SARDH: variants seen among roughly 807,000 people sequenced by gnomAD.
SARDH encodes the protein sarcosine dehydrogenase.
In SARDH, 95 loss-of-function variants were observed where a neutral mutation model predicts 109.1. The observed-to-expected ratio is 0.87, with a 90% CI of 0.74 to 1.03. The LOEUF (loss-of-function observed/expected upper bound fraction) is 1.03. Ranked by LOEUF, SARDH falls within the 50% of genes least tolerant of loss-of-function variation. The pLI is 0.00. For missense variants in SARDH, 1,267 were observed against 1,287.8 expected (o/e 0.98, Z 0.25); for synonymous variants, 572 against 534.8 (o/e 1.07, Z -0.96).
At position 133,718,466 on chromosome 9, in the gene SARDH, C is replaced by A. The variant is rs1832206283; in HGVS notation, c.1020+472G>T. On this transcript the variant is annotated intron_variant, in intron 7 of 20. Transcript: ENST00000439388. This position sits in a 1 kb window ranked among gnomAD's most constrained non-coding sequence, Gnocchi z 4.2. ...TTCCCTCTTTCTCCAGAAATTAAAG[C>A]AGTTTTTAGCCCAAAGTAGCCACTC... 5.9e-6 allele frequency: 3 copies of A among 507,528 alleles called. No homozygotes were observed. The highest frequency in any genetic ancestry group is 3.5e-6 in the Non-Finnish European group (1 of 287,542). The allele number at this position is 507,528 out of a possible 1,614,324, so 31.4% of individuals were successfully genotyped here.
chr9:133,665,720 A>G (rs550551847), intron 20 of SARDH, among the ~76,000 whole-genome samples: 2 of 151,988 alleles, frequency 1.3e-5, no homozygotes, highest in East Asian at 3.9e-4. Context: ...TCCCCTCCCC[A>G]TTGGGCCTGC....
chr9:133,714,006 A>G (rs1412759593), intron 8 of SARDH, among the ~76,000 whole-genome samples: 1 of 152,208 alleles, frequency 6.6e-6, no homozygotes, highest in East Asian at 1.9e-4. Flanking sequence ...TCGTAAAGAA[A>G]ATACGATGAA....
intron 17 of SARDH, among the ~76,000 whole-genome samples, chr9:133,672,441 T>C (rs1426315234): frequency 6.6e-6 from 1 of 152,220 alleles, no homozygotes; most frequent in Non-Finnish European, 1.5e-5. Flanking sequence ...CTTCTCACCC[T>C]TCCTTGTCTG....
At chr9:133,738,520 A>T (rs1832959889), upstream of SARDH, among the ~76,000 whole-genome samples, 1 of 152,084 alleles carries the variant, frequency 6.6e-6, no homozygotes, top group African/African-American at 2.4e-5. Flanking sequence ...TGTGAACCCC[A>T]TGCCCCATTA....
chr9:133,689,902 G>C (rs1795652345), intron 16 of SARDH, among the ~76,000 whole-genome samples: 1 of 152,244 alleles, frequency 6.6e-6, no homozygotes, highest in Admixed American at 6.5e-5. Context: ...GGGGAACACA[G>C]CCCGGCAGGT....
chr9:133,712,650 G>C lies in SARDH; in HGVS notation c.1297C>G (p.Pro433Ala). The C allele has an allele frequency of 1.9e-6, 3 of 1,610,248 alleles. No homozygotes were observed. The highest frequency in any genetic ancestry group is 2.5e-6 in the Non-Finnish European group (3 of 1,179,954). ...ELAHWIIHGR[P>A]EKDMHGYDIR... ...TCATAGCCATGCATGTCCTTCTCCGGGCGCCCATGGATGATCCAGTGGGCC... is the reference window on the plus strand; with the variant it reads ...TCATAGCCATGCATGTCCTTCTCCGCGCGCCCATGGATGATCCAGTGGGCC... The change falls in exon 10 of 21, where the codon CCG (proline) becomes GCG (alanine). Residue 433 changes from proline to alanine, a missense_variant. Pro to Ala is a conservative substitution (Grantham distance 27). Transcript: ENST00000439388. The surrounding 1 kb of genome is among the most constrained non-coding windows in gnomAD (Gnocchi z 4.1).
At chr9:133,661,543 A>G (rs1296137895), downstream of SARDH, among the ~76,000 whole-genome samples, 1 of 151,542 alleles carries the variant, frequency 6.6e-6, no homozygotes, top group African/African-American at 2.4e-5. Context: ...GTGCAATGGC[A>G]TAATCTCGGC....
intron 16 of SARDH, among the ~76,000 whole-genome samples, chr9:133,689,658 G>T (rs570650686): frequency 6.6e-6 from 1 of 152,254 alleles, no homozygotes; most frequent in East Asian, 1.9e-4. Context: ...CGTGGGGATG[G>T]GAGATGTTGG....
intron 20 of SARDH, among the ~76,000 whole-genome samples, chr9:133,665,829 A>G (rs1830046073): frequency 2.6e-5 from 4 of 152,064 alleles, no homozygotes; most frequent in South Asian, 4.2e-4. Context: ...TCCCTCCCCA[A>G]TTCCCTCTAC....
In SARDH at chr9:133,734,042, C is replaced by T; in HGVS notation, c.132G>A (p.Arg44=). Residue 44 remains arginine (R), a synonymous_variant, in exon 2 of 21, where the codon CGG becomes CGA. Coordinates refer to ENST00000439388, the MANE Select transcript of SARDH (RefSeq NM_001134707.2). The stretch of plus-strand genomic sequence containing the variant: ...AGGTGCCCTGTCCCTCCTTCAGGGT[C>T]CGCTGATATGGCACACTCTTCTCGG... The part of the protein sequence containing the change: ...PTAEKSVPYQ[R]TLKEGQGTSV... 6.2e-7 allele frequency: 1 copy of T among 1,613,368 alleles called. No homozygotes were observed. The highest frequency in any genetic ancestry group is 8.5e-7 in the Non-Finnish European group (1 of 1,179,960).
chr9:133,710,591 C>T (rs1446897971), intron 10 of SARDH, among the ~76,000 whole-genome samples: 1 of 152,250 alleles, frequency 6.6e-6, no homozygotes, highest in Non-Finnish European at 1.5e-5. Context: ...GGGAGAGCTC[C>T]GTTCTGGCGC....
chr9:133,731,473 C>G lies in SARDH; in HGVS notation c.522G>C (p.Ala174=), dbSNP rs769188453. The part of the protein sequence containing the change: ...EYKRLMSLGK[A]YGVESHVLSP... The stretch of plus-strand genomic sequence containing the variant: ...TCAGCACATGGGATTCCACACCATA[C>G]GCCTTGCCCAGCTAGGGGGACCCAG... The change falls in exon 4 of 21, where the codon GCG becomes GCC. Residue 174 remains alanine (A), a synonymous_variant. Coordinates refer to ENST00000439388, the MANE Select transcript of SARDH (RefSeq NM_001134707.2). 2 of 1,614,082 alleles carry G rather than the reference C, an allele frequency of 1.2e-6. No individual in the cohort carries two copies. Among genetic ancestry groups the G allele is most frequent in the Non-Finnish European group, 1.7e-6 (2 of 1,179,954 alleles).
chr9:133,685,886 T>G (rs1283725564), intron 16 of SARDH, among the ~76,000 whole-genome samples: 2 of 152,190 alleles, frequency 1.3e-5, no homozygotes, highest in Non-Finnish European at 2.9e-5. Flanking sequence ...CTCTGTTCCC[T>G]GACCTAACCC....
At chr9:133,696,134 G>A in intron 14 of SARDH, 89 bp downstream of exon 14, 4 of 1,533,484 alleles carry the variant, frequency 2.6e-6, no homozygotes, top group East Asian at 4.5e-5. Context: ...GGTGCCCGAG[G>A]GGACAGGGTG....
At chr9:133,662,805 G>A (rs1312370616), downstream of SARDH, among the ~76,000 whole-genome samples, 1 of 152,214 alleles carries the variant, frequency 6.6e-6, no homozygotes, top group African/African-American at 2.4e-5. This position sits in a 1 kb window ranked among gnomAD's most constrained non-coding sequence, Gnocchi z 5.1. Context: ...GGGCATGCCT[G>A]GCAAGACTGC....
intron 12 of SARDH, chr9:133,703,258 C>T: frequency 3.6e-6 from 2 of 552,818 alleles, no homozygotes; most frequent in Non-Finnish European, 6.5e-6. Flanking sequence ...TCTGAGAGCC[C>T]AGCCAGGGCC....
intron 13 of SARDH, among the ~76,000 whole-genome samples, chr9:133,697,942 GAAGA>G (rs1232961617): frequency 8.5e-6 from 1 of 117,484 alleles, no homozygotes; most frequent in East Asian, 2.7e-4. Context: ...GATCAGAAAA[GAAGA>G]AATAAAAACA....
chr9:133,692,443 G>A lies in SARDH; in HGVS notation c.1921+1815C>T, dbSNP rs1318731696. ...CATTTCAGCTGAATGACCCAGAGAC[G>A]ACCAGCGATGGGCAGGTCACACTGG... On this transcript the variant is annotated intron_variant, in intron 15 of 20. Coordinates refer to ENST00000439388, the MANE Select transcript of SARDH (RefSeq NM_001134707.2). This position sits in a 1 kb window ranked among gnomAD's most constrained non-coding sequence, Gnocchi z 5.0. Among the ~76,000 whole-genome samples the A allele has an allele frequency of 2.0e-5, 3 of 152,082 alleles. No individual in the cohort carries two copies. The highest frequency in any genetic ancestry group is 4.8e-5 in the African/African-American group (2 of 41,380).
Position 133,704,900 on chromosome 9 carries a change from T to C in SARDH, c.1554+48A>G. The C allele has an allele frequency of 6.6e-7, 1 of 1,507,666 alleles. No homozygotes were observed. Among genetic ancestry groups the C allele is most frequent in the South Asian group, 1.2e-5 (1 of 83,446 alleles). The allele number at this position is 1,507,666 out of a possible 1,614,324, so 93.4% of individuals were successfully genotyped here. A position where few individuals can be genotyped will look rare whatever the true frequency, so the allele number is the denominator to read the frequency against. On this transcript the variant is annotated intron_variant, in intron 12 of 20. Coordinates refer to ENST00000439388, the MANE Select transcript of SARDH (RefSeq NM_001134707.2). This position sits in a 1 kb window ranked among gnomAD's most constrained non-coding sequence, Gnocchi z 4.5. ...GGGGCACGTGGAGGGGCAAGGGGGTTGTCAGGGCAGGGCCTCCCAGCAGCA... is the reference window on the plus strand; with the variant it reads ...GGGGCACGTGGAGGGGCAAGGGGGTCGTCAGGGCAGGGCCTCCCAGCAGCA...
Sources: allele counts gnomAD v4.1 joint callset (sites outside exome capture counted in the v4.1 genomes callset), GRCh38; gene constraint gnomAD v4.1.1; non-coding constraint Gnocchi (gnomAD v3.1); transcripts MANE v1.5; gene names NCBI Gene and HGNC (gene_info 2026-07-23, HGNC 2026-07-21).